Variants in ENTHD1 observed in about 807,000 individuals in gnomAD.
ENTHD1 encodes the protein ENTH domain containing 1.
Under a neutral mutation model 39.1 loss-of-function variants are expected in ENTHD1, and 23 were observed. The observed-to-expected ratio is 0.59, with a 90% CI of 0.42 to 0.83. ENTHD1 has a LOEUF of 0.83. ENTHD1 is among the 40% of genes least tolerant of loss of function. The probability of loss-of-function intolerance (pLI) is 0.00; values close to 1 mark genes in which losing one functional copy is unlikely to be tolerated. For synonymous variants in ENTHD1, 230 were observed against 258.2 expected, an observed-to-expected ratio of 0.89 and a Z score of 1.05; for missense variants, 624 against 705.4, an observed-to-expected ratio of 0.88 and a Z score of 1.31.
chr22:39,891,812 G>T (rs1344968168), intron 1 of ENTHD1, among the ~76,000 whole-genome samples: 1 of 151,782 alleles, frequency 6.6e-6, no homozygotes, highest in African/African-American at 2.4e-5. Context: ...TAGAGACGGG[G>T]TTTCACCATA....
chr22:39,768,199 A>C (rs1376202975), intron 5 of ENTHD1, among the ~76,000 whole-genome samples: 1 of 152,112 alleles, frequency 6.6e-6, no homozygotes, highest in Non-Finnish European at 1.5e-5. Context: ...CTCCAATTCA[A>C]TTACTACTTT....
At chr22:39,882,105 C>G (rs971582582) in intron 2 of ENTHD1, among the ~76,000 whole-genome samples, 1 of 152,070 alleles carries the variant, frequency 6.6e-6, no homozygotes, top group African/African-American at 2.4e-5. Flanking sequence ...GTTTTTCTTT[C>G]TTGTTTTTTT....
intron 3 of ENTHD1, among the ~76,000 whole-genome samples, chr22:39,847,992 A>G (rs1349805515): frequency 6.6e-6 from 1 of 152,172 alleles, no homozygotes; most frequent in African/African-American, 2.4e-5. Flanking sequence ...GTCATCTGGA[A>G]ACCCTAGGGA....
chr22:39,874,973 T>C (rs901657485), intron 2 of ENTHD1, among the ~76,000 whole-genome samples: 2 of 152,148 alleles, frequency 1.3e-5, no homozygotes, highest in Non-Finnish European at 2.9e-5. Flanking sequence ...AACCCAGAAA[T>C]TTCACTCTTC....
At chr22:39,858,361 C>T (rs371326172) in intron 3 of ENTHD1, among the ~76,000 whole-genome samples, 32 of 152,304 alleles carry the variant, frequency 2.1e-4, no homozygotes, top group Admixed American at 5.9e-4. Flanking sequence ...TTGCTATTTC[C>T]GCCACATCTG....
chr22:39,861,511 G>GGAGA (rs2146724092), intron 3 of ENTHD1, among the ~76,000 whole-genome samples: 1 of 152,172 alleles, frequency 6.6e-6, no homozygotes, highest in Admixed American at 6.5e-5. Flanking sequence ...CTACACTCCA[G>GGAGA]CCTAGGAGAC....
chr22:39,879,895 A>C (rs1324413679), intron 2 of ENTHD1, among the ~76,000 whole-genome samples: 2 of 152,234 alleles, frequency 1.3e-5, no homozygotes, highest in African/African-American at 2.4e-5. Context: ...GGATAAATTT[A>C]CTGTGATTCA....
chr22:39,757,248 A>C (rs1313142668), intron 6 of ENTHD1, among the ~76,000 whole-genome samples: 1 of 151,990 alleles, frequency 6.6e-6, no homozygotes, highest in African/African-American at 2.4e-5. Context: ...TACTGTTTTA[A>C]TTTCAATTTC....
chr22:39,750,491 A>G (rs2065139363), intron 6 of ENTHD1: 1 of 154,180 alleles, frequency 6.5e-6, no homozygotes, highest in Non-Finnish European at 1.5e-5. Context: ...CTGCTTGTAA[A>G]TGAAGCTGCA....
chr22:39,774,557 G>C (rs1459346585), intron 5 of ENTHD1, among the ~76,000 whole-genome samples: 1 of 152,142 alleles, frequency 6.6e-6, no homozygotes, highest in Non-Finnish European at 1.5e-5. Context: ...CAACTTCTAA[G>C]AGGTCTCTCC....
intron 5 of ENTHD1, among the ~76,000 whole-genome samples, chr22:39,817,543 C>T (rs1176226793): frequency 6.6e-6 from 1 of 152,148 alleles, no homozygotes; most frequent in Admixed American, 6.5e-5. Flanking sequence ...GTAATACACA[C>T]AGAAAGGTAT....
Position 39,766,908 on chromosome 22 carries a change from C to G in ENTHD1, c.833-1299G>C, listed in dbSNP as rs1268114845. ...TTCCATCCTCTCATCTTTTAAAACT[C>G]AATTCAAGTATCACTTTCTCTTTAA... On this transcript the variant is annotated intron_variant, in intron 5 of 6. Transcript: ENST00000325157. 2.6e-5 allele frequency among the ~76,000 whole-genome samples: 4 copies of G among 152,186 alleles called. No homozygotes were observed. In the East Asian group the frequency reaches 5.8e-4, roughly 22 times the overall value.
chr22:39,850,814 C>T (rs535805667), intron 3 of ENTHD1, among the ~76,000 whole-genome samples: 1 of 152,232 alleles, frequency 6.6e-6, no homozygotes, highest in African/African-American at 2.4e-5. Context: ...GACCTGCCCA[C>T]CCCCACTTAC....
chr22:39,857,744 T>C (rs2146717752), intron 3 of ENTHD1, among the ~76,000 whole-genome samples: 1 of 152,248 alleles, frequency 6.6e-6, no homozygotes, highest in South Asian at 2.1e-4. Flanking sequence ...TGTTTCCCAG[T>C]GCATATAAAA....
At chr22:39,807,982 A>C (rs1351125103) in intron 5 of ENTHD1, among the ~76,000 whole-genome samples, 1 of 152,072 alleles carries the variant, frequency 6.6e-6, no homozygotes, top group African/African-American at 2.4e-5. Flanking sequence ...GGTTTGAAAC[A>C]CATCAGCGTA....
At chr22:39,751,326 A>G (rs1014557087) in intron 6 of ENTHD1, 2 of 153,450 alleles carry the variant, frequency 1.3e-5, no homozygotes, top group African/African-American at 4.8e-5. Flanking sequence ...GACCACAGAA[A>G]TATGTCAGCC....
At chr22:39,756,389 T>A (rs1172104671) in intron 6 of ENTHD1, among the ~76,000 whole-genome samples, 1 of 151,616 alleles carries the variant, frequency 6.6e-6, no homozygotes, top group Non-Finnish European at 1.5e-5. Context: ...GGATGGAGTG[T>A]AGTGGCGTGA....
intron 6 of ENTHD1, among the ~76,000 whole-genome samples, chr22:39,745,670 T>C (rs2065098767): frequency 6.6e-6 from 1 of 152,224 alleles, no homozygotes; most frequent in African/African-American, 2.4e-5. Flanking sequence ...AGACAGACTA[T>C]CTTTGGATTA....
intron 5 of ENTHD1, among the ~76,000 whole-genome samples, chr22:39,819,381 CA>C (rs994909281): frequency 1.9e-5 from 2 of 103,346 alleles, no homozygotes; most frequent in African/African-American, 7.0e-5. Flanking sequence ...AAAACAAAAA[CA>C]AAAAAAGAAA....
Sources: gnomAD v4.1 joint callset for allele counts (sites outside exome capture counted in the v4.1 genomes callset) on GRCh38, gnomAD v4.1.1 for gene constraint, MANE v1.5 for transcripts, NCBI Gene and HGNC (gene_info 2026-07-23, HGNC 2026-07-21) for gene names.